Variants in RIMS2 observed in about 807,000 individuals in gnomAD.
The protein encoded by RIMS2 is regulating synaptic membrane exocytosis 2.
A neutral mutation model predicts 174.4 loss-of-function variants in RIMS2; 59 were observed. That is an observed-to-expected ratio of 0.34 (90% CI 0.27 to 0.42). The LOEUF is 0.42. Ranked by LOEUF, RIMS2 falls within the 10% of genes least tolerant of loss-of-function variation. RIMS2 has a pLI of 1.00. For missense variants in RIMS2, 1,620 were observed against 1,666.3 expected (o/e 0.97, Z 0.48); for synonymous variants, 606 against 572.5 (o/e 1.06, Z -0.84).
chr8:104,232,157 A>T (rs904536654), intron 19 of RIMS2, among the ~76,000 whole-genome samples: 1 of 152,248 alleles, frequency 6.6e-6, no homozygotes, highest in African/African-American at 2.4e-5. Context: ...TCCAAGAAGT[A>T]CTTAACAAAC....
chr8:104,099,461 T>C (rs2097828297), intron 19 of RIMS2, among the ~76,000 whole-genome samples: 1 of 152,216 alleles, frequency 6.6e-6, no homozygotes, highest in African/African-American at 2.4e-5. Flanking sequence ...TGTTTTATGA[T>C]TGTGCATAAC....
At chr8:103,524,703 C>T (rs1221836152) in intron 1 of RIMS2, among the ~76,000 whole-genome samples, 5 of 152,152 alleles carry the variant, frequency 3.3e-5, no homozygotes, top group Non-Finnish European at 7.3e-5. Flanking sequence ...TCCAGAAAAC[C>T]TATAGTCCTG....
At chr8:103,833,875 G>A (rs2154480845) in intron 3 of RIMS2, among the ~76,000 whole-genome samples, 1 of 152,226 alleles carries the variant, frequency 6.6e-6, no homozygotes, top group African/African-American at 2.4e-5. Flanking sequence ...TCTTGAGTAT[G>A]GATCTTGTTT....
chr8:104,101,715 G>T lies in RIMS2; in HGVS notation c.3334+87100G>T, dbSNP rs76633976. 2.6e-5 allele frequency among the ~76,000 whole-genome samples: 4 copies of T among 151,898 alleles called. No homozygotes were observed. In the East Asian group the frequency reaches 7.7e-4, roughly 29 times the overall value. ...ACTCTCTTGTTTGCCTCCTTTTTGAGGATTTGTTTTTCTACTTCTATTTTA... is the reference window on the plus strand; with the variant it reads ...ACTCTCTTGTTTGCCTCCTTTTTGATGATTTGTTTTTCTACTTCTATTTTA... On this transcript the variant is annotated intron_variant, in intron 19 of 23. Transcript: ENST00000504942.
intron 1 of RIMS2, among the ~76,000 whole-genome samples, chr8:103,533,233 T>C (rs1838070992): frequency 6.6e-6 from 1 of 152,182 alleles, no homozygotes; most frequent in Non-Finnish European, 1.5e-5. Context: ...AAAATGTATC[T>C]AGAGAAAATA....
intron 3 of RIMS2, among the ~76,000 whole-genome samples, chr8:103,868,937 T>C (rs1180323847): frequency 6.6e-6 from 1 of 152,188 alleles, no homozygotes; most frequent in East Asian, 1.9e-4. Flanking sequence ...TAACTGCAAA[T>C]ACTTTATACC....
At chr8:104,181,947 TTGAGAA>T (rs1270064727) in intron 19 of RIMS2, among the ~76,000 whole-genome samples, 1 of 151,764 alleles carries the variant, frequency 6.6e-6, no homozygotes, top group African/African-American at 2.4e-5. Flanking sequence ...TAGATGTAGT[TTGAGAA>T]TGGTAAAATA....
chr8:104,021,588 A>G (rs1241769297), intron 19 of RIMS2, among the ~76,000 whole-genome samples: 2 of 152,152 alleles, frequency 1.3e-5, no homozygotes, highest in Non-Finnish European at 2.9e-5. Context: ...TTTCACATGA[A>G]CTCACTAGGC....
chr8:103,860,767 G>A (rs1199746140), intron 3 of RIMS2, among the ~76,000 whole-genome samples: 1 of 144,968 alleles, frequency 6.9e-6, no homozygotes, highest in East Asian at 2.0e-4. Flanking sequence ...ATCCCAATGA[G>A]CAGAAATATT....
chr8:104,176,850 C>T lies in RIMS2; in HGVS notation c.3335-68066C>T, dbSNP rs75033727. On this transcript the variant is annotated intron_variant, in intron 19 of 23. Coordinates refer to ENST00000504942, the Ensembl canonical transcript of RIMS2. The stretch of plus-strand genomic sequence containing the variant: ...TGAACTTGTATCTGAAGGATATAAA[C>T]AGCACATGGTTTTATGTACTACTCC... Among the ~76,000 whole-genome samples the T allele has an allele frequency of 5.0e-3, 767 of 152,018 alleles. 47 individuals carry two copies. In the East Asian group the frequency reaches 0.13, roughly 25 times the overall value.
chr8:104,199,216 C>T (rs1012901144), intron 19 of RIMS2, among the ~76,000 whole-genome samples: 1 of 152,082 alleles, frequency 6.6e-6, no homozygotes, highest in Admixed American at 6.5e-5. Flanking sequence ...CGCCCGCCAC[C>T]ACGCCCGGCT....
chr8:104,135,878 C>G (rs1337178978), intron 19 of RIMS2, among the ~76,000 whole-genome samples: 2 of 152,038 alleles, frequency 1.3e-5, no homozygotes, highest in Non-Finnish European at 2.9e-5. Flanking sequence ...ATAGAGATAA[C>G]TAATTAATTG....
At chr8:103,789,112 G>T (rs1432934246) in intron 3 of RIMS2, among the ~76,000 whole-genome samples, 1 of 152,186 alleles carries the variant, frequency 6.6e-6, no homozygotes, top group South Asian at 2.1e-4. Context: ...GGGAGGCAAT[G>T]CCTCGCCCTG....
intron 19 of RIMS2, among the ~76,000 whole-genome samples, chr8:104,177,777 G>T (rs2098913304): frequency 6.6e-6 from 1 of 152,142 alleles, no homozygotes; most frequent in Non-Finnish European, 1.5e-5. Context: ...TGAGGACAGA[G>T]ACCATATTTA....
chr8:103,673,163 T>A (rs980556976), intron 1 of RIMS2, among the ~76,000 whole-genome samples: 1 of 152,232 alleles, frequency 6.6e-6, no homozygotes, highest in Non-Finnish European at 1.5e-5. Context: ...TCCACCCCTG[T>A]GGCTTTGCAG....
chr8:104,148,905 T>C lies in RIMS2; in HGVS notation c.3335-96011T>C, dbSNP rs1201189238. 2.0e-6 allele frequency: 3 copies of C among 1,531,226 alleles called. No homozygotes were observed. In the East Asian group the frequency reaches 6.8e-5, roughly 35 times the overall value. The allele number at this position is 1,531,226 out of a possible 1,614,324, so 94.9% of individuals were successfully genotyped here. On this transcript the variant is annotated intron_variant, in intron 19 of 23. Coordinates refer to ENST00000504942, the Ensembl canonical transcript of RIMS2. ...ATTTGAGTTGTCATTACAAGATATA[T>C]TTCTTTTCTCTTACTCATTTTATTG...
chr8:104,003,336 ATTG>A (rs1008518613), intron 17 of RIMS2, among the ~76,000 whole-genome samples: 13 of 152,162 alleles, frequency 8.5e-5, no homozygotes, highest in African/African-American at 3.1e-4. Flanking sequence ...GTATTTTAGA[ATTG>A]TTGTAACATT....
chr8:103,761,281 C>A (rs1015767570), intron 2 of RIMS2, among the ~76,000 whole-genome samples: 2 of 152,196 alleles, frequency 1.3e-5, no homozygotes, highest in East Asian at 3.8e-4. Flanking sequence ...TCTTCACATA[C>A]AAGATTGTGC....
At chr8:103,575,238 T>C (rs1220356828) in intron 1 of RIMS2, among the ~76,000 whole-genome samples, 1 of 152,174 alleles carries the variant, frequency 6.6e-6, no homozygotes, top group Non-Finnish European at 1.5e-5. Flanking sequence ...AAAACCACAG[T>C]GAAACACTAC....
Sources: allele counts gnomAD v4.1 joint callset (sites outside exome capture counted in the v4.1 genomes callset), GRCh38; gene constraint gnomAD v4.1.1; transcripts MANE v1.5; gene names NCBI Gene and HGNC (gene_info 2026-07-23, HGNC 2026-07-21).